The following SIPA1L1 variants were observed in gnomAD, a reference collection of about 807,000 sequenced individuals.
The protein encoded by SIPA1L1 is signal-induced proliferation-associated 1-like protein 1.
SIPA1L1 carries 26 observed loss-of-function variants against 162.7 expected under a neutral mutation model. The ratio of observed to expected loss-of-function variants is 0.16; its 90% CI spans 0.12 to 0.22. The LOEUF (loss-of-function observed/expected upper bound fraction) is 0.22, where lower values mean the gene tolerates loss of function less well. Ranked by LOEUF, SIPA1L1 falls within the 10% of genes least tolerant of loss-of-function variation. SIPA1L1 has a pLI of 1.00. For missense variants in SIPA1L1, 1,874 were observed against 2,241.0 expected (o/e 0.84, Z 3.31); for synonymous variants, 829 against 837.4 (o/e 0.99, Z 0.17).
chr14:71,696,064 T>C (rs1190902805), intron 13 of SIPA1L1, among the ~76,000 whole-genome samples: 1 of 152,124 alleles, frequency 6.6e-6, no homozygotes, highest in Non-Finnish European at 1.5e-5. Flanking sequence ...CTTCTCTTAT[T>C]AAAACACATT....
chr14:71,458,101 TC>T (rs1386000923), intron 2 of SIPA1L1, among the ~76,000 whole-genome samples: 2 of 152,188 alleles, frequency 1.3e-5, no homozygotes, highest in African/African-American at 4.8e-5. Context: ...ACTTTTTGTG[TC>T]TTAGGAAGTG....
At chr14:71,525,573 G>A (rs920368058) in intron 3 of SIPA1L1, among the ~76,000 whole-genome samples, 2 of 152,124 alleles carry the variant, frequency 1.3e-5, no homozygotes, top group African/African-American at 2.4e-5. Context: ...ACAATAGAAC[G>A]TAAATCCTCA....
chr14:71,384,177 T>G (rs1214173021), intron 2 of SIPA1L1, among the ~76,000 whole-genome samples: 2 of 152,204 alleles, frequency 1.3e-5, no homozygotes, highest in African/African-American at 2.4e-5. Flanking sequence ...AAAGATCAGA[T>G]AAGTCCAACG....
At chr14:71,475,966 C>T (rs191770966) in intron 2 of SIPA1L1, among the ~76,000 whole-genome samples, 13 of 152,280 alleles carry the variant, frequency 8.5e-5, no homozygotes, top group Admixed American at 7.9e-4. Flanking sequence ...AGAGCTGTTC[C>T]TCACTTTCAT....
At chr14:71,495,990 G>A (rs1194756840) in intron 2 of SIPA1L1, among the ~76,000 whole-genome samples, 4 of 149,932 alleles carry the variant, frequency 2.7e-5, no homozygotes, top group Non-Finnish European at 5.9e-5. Context: ...AGGCTGAGTT[G>A]GGAGGATTGC....
intron 17 of SIPA1L1, among the ~76,000 whole-genome samples, chr14:71,710,825 A>AT (rs11392775): frequency 6.6e-6 from 1 of 150,680 alleles, no homozygotes; most frequent in South Asian, 2.1e-4. Context: ...AAAAAAAAAA[A>AT]GAAAGAAAGA....
intron 2 of SIPA1L1, among the ~76,000 whole-genome samples, chr14:71,323,377 G>A (rs2033368008): frequency 1.3e-5 from 2 of 152,132 alleles, no homozygotes; most frequent in African/African-American, 4.8e-5. Flanking sequence ...GAGCTGAAAT[G>A]GTATGAGAGT....
intron 2 of SIPA1L1, among the ~76,000 whole-genome samples, chr14:71,441,874 G>C (rs1302814347): frequency 6.6e-6 from 1 of 151,982 alleles, no homozygotes; most frequent in East Asian, 1.9e-4. Flanking sequence ...TAGATCAGGA[G>C]TAACTTAAAA....
At chr14:71,437,625 G>A (rs1238882831) in intron 2 of SIPA1L1, among the ~76,000 whole-genome samples, 1 of 152,188 alleles carries the variant, frequency 6.6e-6, no homozygotes, top group Non-Finnish European at 1.5e-5. Context: ...ACTTCCCAAA[G>A]TGCTGGGATT....
At chr14:71,702,781 C>T (rs999789468) in intron 15 of SIPA1L1, among the ~76,000 whole-genome samples, 2 of 152,182 alleles carry the variant, frequency 1.3e-5, no homozygotes, top group Non-Finnish European at 2.9e-5. Context: ...AAGTACCTTC[C>T]TCCCCCTTGT....
intron 2 of SIPA1L1, among the ~76,000 whole-genome samples, chr14:71,368,366 T>C (rs981090250): frequency 7.8e-6 from 1 of 128,954 alleles, no homozygotes; most frequent in African/African-American, 2.9e-5. Context: ...TGTGTCCATG[T>C]GATCTCATTG....
intron 4 of SIPA1L1, among the ~76,000 whole-genome samples, chr14:71,580,173 G>A (rs2147273399): frequency 6.6e-6 from 1 of 152,286 alleles, no homozygotes; most frequent in East Asian, 1.9e-4. Context: ...AGTACTACCA[G>A]GTTCTTCTTC....
chr14:71,526,686 G>A (rs977559545), intron 3 of SIPA1L1, among the ~76,000 whole-genome samples: 1 of 151,988 alleles, frequency 6.6e-6, no homozygotes, highest in East Asian at 1.9e-4. Flanking sequence ...AGATTTTATG[G>A]CCTGCAAAGC....
chr14:71,533,964 G>A (rs1428250232), intron 4 of SIPA1L1, among the ~76,000 whole-genome samples: 6 of 151,920 alleles, frequency 3.9e-5, no homozygotes, highest in African/African-American at 1.5e-4. Flanking sequence ...TGACTCATGC[G>A]TGTAATCCCA....
intron 14 of SIPA1L1, among the ~76,000 whole-genome samples, chr14:71,701,036 T>TAAAAAAAAA (rs2082063317): frequency 8.2e-6 from 1 of 121,974 alleles, no homozygotes; most frequent in Non-Finnish European, 1.8e-5. Flanking sequence ...AAAAAAAAAG[T>TAAAAAAAAA]TTTATTAAGA....
intron 13 of SIPA1L1, among the ~76,000 whole-genome samples, chr14:71,693,182 C>T (rs142304936): frequency 1.4e-3 from 208 of 152,256 alleles, no homozygotes; most frequent in Non-Finnish European, 2.5e-3. Context: ...ATGAGCATTT[C>T]ATTTGAATGT....
At chr14:71,327,080 CTTTTT>C (rs532549428) in intron 2 of SIPA1L1, among the ~76,000 whole-genome samples, 2 of 127,706 alleles carry the variant, frequency 1.6e-5, no homozygotes, top group Non-Finnish European at 1.7e-5. Context: ...TGATTGAAAT[CTTTTT>C]TTTTTTTTTT....
At chr14:71,641,639 T>C (rs7154787) in intron 7 of SIPA1L1, among the ~76,000 whole-genome samples, 126,555 of 152,200 alleles carry the variant, frequency 0.83, 53,146 homozygotes, top group East Asian at 0.94. Context: ...AGGAGAATGG[T>C]GTGAACCTGG....
At chr14:71,543,985 G>A (rs1264330814) in intron 4 of SIPA1L1, among the ~76,000 whole-genome samples, 3 of 148,736 alleles carry the variant, frequency 2.0e-5, no homozygotes, top group Non-Finnish European at 4.4e-5. Flanking sequence ...ACACGCACAT[G>A]TATATATACA....
Sources: allele counts gnomAD v4.1 joint callset (sites outside exome capture counted in the v4.1 genomes callset), GRCh38; gene constraint gnomAD v4.1.1; transcripts MANE v1.5; gene names NCBI Gene and HGNC (gene_info 2026-07-23, HGNC 2026-07-21).